Variants in RCAN2 observed in about 807,000 individuals in gnomAD.
RCAN2 encodes regulator of calcineurin 2, also known as calcipressin-2.
RCAN2 carries 9 observed loss-of-function variants against 23.6 expected under a neutral mutation model. The observed-to-expected ratio is 0.38, with a 90% CI of 0.23 to 0.67. The LOEUF is 0.67. Among genes scored for constraint, RCAN2 ranks in the 30% least tolerant of loss-of-function variants. The pLI is 0.51. For missense variants in RCAN2, 273 were observed against 302.3 expected (o/e 0.90, Z 0.72); for synonymous variants, 109 against 115.7 (o/e 0.94, Z 0.37).
At chr6:46,225,445 T>C (rs1368835920) in intron 4 of RCAN2, among the ~76,000 whole-genome samples, 1 of 152,204 alleles carries the variant, frequency 6.6e-6, no homozygotes, top group East Asian at 1.9e-4. Flanking sequence ...CCAGCACCTG[T>C]TGTTTCCTGA....
At chr6:46,416,750 G>A (rs1055841252) in intron 2 of RCAN2, among the ~76,000 whole-genome samples, 1 of 150,738 alleles carries the variant, frequency 6.6e-6, no homozygotes, top group African/African-American at 2.5e-5. Flanking sequence ...TCGAACTCCT[G>A]GGCTCAAGCG....
chr6:46,226,699 G>A (rs60550760), intron 4 of RCAN2, among the ~76,000 whole-genome samples: 1,778 of 152,234 alleles, frequency 0.012, 26 homozygotes, highest in African/African-American at 0.041. Context: ...AGATGATGGG[G>A]TTTTCTAAAT....
chr6:46,323,531 C>T (rs1368486258), intron 2 of RCAN2, among the ~76,000 whole-genome samples: 3 of 152,140 alleles, frequency 2.0e-5, no homozygotes, highest in African/African-American at 7.2e-5. Flanking sequence ...ACCATCTAGC[C>T]CTGACTCACC....
chr6:46,236,830 TC>T (rs1357634165), intron 4 of RCAN2, among the ~76,000 whole-genome samples: 1 of 152,244 alleles, frequency 6.6e-6, no homozygotes, highest in Non-Finnish European at 1.5e-5. Flanking sequence ...CTCACTACAT[TC>T]CCTAAACATA....
chr6:46,352,091 C>T (rs1049421577), intron 2 of RCAN2, among the ~76,000 whole-genome samples: 3 of 152,288 alleles, frequency 2.0e-5, no homozygotes, highest in Non-Finnish European at 4.4e-5. Flanking sequence ...TAAGAGTATA[C>T]ATTAAGGTAT....
At chr6:46,490,519 G>A (rs888637790) in intron 1 of RCAN2, among the ~76,000 whole-genome samples, 1 of 152,210 alleles carries the variant, frequency 6.6e-6, no homozygotes, top group African/African-American at 2.4e-5. Flanking sequence ...GGATCAGGCG[G>A]CTGGGATTTG....
chr6:46,436,368 A>C (rs1340570996), intron 2 of RCAN2, among the ~76,000 whole-genome samples: 2 of 152,202 alleles, frequency 1.3e-5, no homozygotes, highest in African/African-American at 4.8e-5. Context: ...GCGTGCCAGC[A>C]TGCCCGGCTA....
At chr6:46,465,038 A>C (rs1582224320) in intron 1 of RCAN2, among the ~76,000 whole-genome samples, 1 of 152,280 alleles carries the variant, frequency 6.6e-6, no homozygotes, top group South Asian at 2.1e-4. Context: ...AATAAACATA[A>C]TAAAAAGGGG....
chr6:46,247,960 T>G lies in RCAN2; in HGVS notation c.399+763A>C, dbSNP rs78083226. On this transcript the variant is annotated intron_variant, in intron 3 of 4. Transcript: ENST00000371374. ...TGAGGTTTGTCCACATCACACACATTAGAATAGCAATGATGGAATTTGAAC... is the reference window on the plus strand; with the variant it reads ...TGAGGTTTGTCCACATCACACACATGAGAATAGCAATGATGGAATTTGAAC... Among the ~76,000 whole-genome samples, 20 of 152,342 alleles carry G rather than the reference T, an allele frequency of 1.3e-4. No homozygotes were observed. In the East Asian group the frequency reaches 3.9e-3, roughly 29 times the overall value.
At chr6:46,327,360 T>G (rs1763826642) in intron 2 of RCAN2, among the ~76,000 whole-genome samples, 1 of 151,988 alleles carries the variant, frequency 6.6e-6, no homozygotes. Context: ...GACAGAGAAG[T>G]GAGGGGTGCC....
chr6:46,390,500 G>C (rs1765901595), intron 2 of RCAN2, among the ~76,000 whole-genome samples: 1 of 152,132 alleles, frequency 6.6e-6, no homozygotes, highest in South Asian at 2.1e-4. Context: ...GGTTCTCTAT[G>C]GAATGTGACA....
At chr6:46,478,050 C>T (rs984914564) in intron 1 of RCAN2, among the ~76,000 whole-genome samples, 11 of 152,194 alleles carry the variant, frequency 7.2e-5, no homozygotes, top group African/African-American at 2.2e-4. Flanking sequence ...GAACTACCAT[C>T]GGTCATTTTC....
intron 2 of RCAN2, among the ~76,000 whole-genome samples, chr6:46,385,451 G>A (rs1024852506): frequency 5.3e-5 from 8 of 152,308 alleles, no homozygotes; most frequent in South Asian, 2.1e-4. Flanking sequence ...ATGGGGAAAC[G>A]TTTCCCTATT....
At chr6:46,337,542 T>G (rs1170947128) in intron 2 of RCAN2, among the ~76,000 whole-genome samples, 3 of 152,256 alleles carry the variant, frequency 2.0e-5, no homozygotes, top group African/African-American at 7.2e-5. Context: ...GTACCATATT[T>G]GGACCTGAAC....
At chr6:46,418,525 C>T (rs1766774076) in intron 2 of RCAN2, among the ~76,000 whole-genome samples, 1 of 151,874 alleles carries the variant, frequency 6.6e-6, no homozygotes, top group Non-Finnish European at 1.5e-5. Context: ...TCATTCTCGT[C>T]TGACCAGTCT....
intron 4 of RCAN2, among the ~76,000 whole-genome samples, chr6:46,225,882 T>A (rs1288787610): frequency 3.9e-5 from 6 of 152,214 alleles, no homozygotes; most frequent in Admixed American, 1.3e-4. Flanking sequence ...CTGAATGGTA[T>A]TGCCTAGGTT....
At chr6:46,363,583 T>A (rs1765078488) in intron 2 of RCAN2, among the ~76,000 whole-genome samples, 1 of 152,150 alleles carries the variant, frequency 6.6e-6, no homozygotes, top group Non-Finnish European at 1.5e-5. Flanking sequence ...AATTTATTAT[T>A]TATAACCTGT....
At chr6:46,321,614 C>G (rs1261096715) in intron 2 of RCAN2, among the ~76,000 whole-genome samples, 1 of 152,216 alleles carries the variant, frequency 6.6e-6, no homozygotes, top group African/African-American at 2.4e-5. Flanking sequence ...GGAACCCACC[C>G]TTTCTTCTGT....
intron 2 of RCAN2, among the ~76,000 whole-genome samples, chr6:46,369,072 AT>A (rs907861827): frequency 1.3e-5 from 2 of 151,682 alleles, no homozygotes; most frequent in African/African-American, 2.4e-5. Flanking sequence ...TTAAATTGTT[AT>A]TTTTTTTACT....
Sources: gnomAD v4.1 joint callset for allele counts (sites outside exome capture counted in the v4.1 genomes callset) on GRCh38, gnomAD v4.1.1 for gene constraint, MANE v1.5 for transcripts, NCBI Gene and HGNC (gene_info 2026-07-23, HGNC 2026-07-21) for gene names.